ARHGAP18: variants seen among roughly 807,000 people sequenced by gnomAD.
The protein encoded by ARHGAP18 is rho GTPase-activating protein 18.
A neutral mutation model predicts 86.2 loss-of-function variants in ARHGAP18; 67 were observed. The observed-to-expected ratio is 0.78, with a 90% CI of 0.64 to 0.95. The LOEUF (loss-of-function observed/expected upper bound fraction) is 0.95, where lower values mean the gene tolerates loss of function less well. Among genes scored for constraint, ARHGAP18 ranks in the 40% least tolerant of loss-of-function variants. The probability of loss-of-function intolerance (pLI) is 0.00; values close to 1 mark genes in which losing one functional copy is unlikely to be tolerated. For missense variants in ARHGAP18, 691 were observed against 780.4 expected (o/e 0.89, Z 1.37); for synonymous variants, 283 against 280.4 (o/e 1.01, Z -0.09).
chr6:129,588,928 C>T (rs557114560), intron 12 of ARHGAP18, among the ~76,000 whole-genome samples: 13 of 152,298 alleles, frequency 8.5e-5, no homozygotes, highest in Non-Finnish European at 1.9e-4. Context: ...AGTAATGGCC[C>T]GAGCTGTACC....
At chr6:129,683,324 G>C (rs974668200) in intron 1 of ARHGAP18, among the ~76,000 whole-genome samples, 2 of 152,128 alleles carry the variant, frequency 1.3e-5, no homozygotes, top group African/African-American at 4.8e-5. Flanking sequence ...GCCCAATTCA[G>C]CCTCCCAAAG....
intron 10 of ARHGAP18, among the ~76,000 whole-genome samples, chr6:129,601,477 G>C (rs1480481583): frequency 6.7e-6 from 1 of 148,868 alleles, no homozygotes; most frequent in Admixed American, 6.7e-5. Flanking sequence ...AAAAGGAAAA[G>C]AGAAGAGAAG....
At chr6:129,706,989 G>C (rs1034132945) in intron 1 of ARHGAP18, among the ~76,000 whole-genome samples, 1 of 151,760 alleles carries the variant, frequency 6.6e-6, no homozygotes, top group Non-Finnish European at 1.5e-5. Context: ...CACTTTGGGG[G>C]GCCAAGGTGG....
At chr6:129,658,365 A>G (rs1307837700) in intron 1 of ARHGAP18, among the ~76,000 whole-genome samples, 2 of 152,188 alleles carry the variant, frequency 1.3e-5, no homozygotes, top group African/African-American at 2.4e-5. Flanking sequence ...ATGCACTGGA[A>G]AAGAATTTTA....
intron 14 of ARHGAP18, among the ~76,000 whole-genome samples, 169 bp downstream of exon 14, chr6:129,579,901 C>G (rs1450248137): frequency 6.6e-6 from 1 of 152,068 alleles, no homozygotes; most frequent in Non-Finnish European, 1.5e-5. Context: ...TCAAACAGAG[C>G]CTGAAGAGAA....
chr6:129,673,320 T>G (rs1774172491), intron 1 of ARHGAP18, among the ~76,000 whole-genome samples: 1 of 150,812 alleles, frequency 6.6e-6, no homozygotes, highest in Admixed American at 6.6e-5. Flanking sequence ...AAAAGCCATC[T>G]GCAGCTTGCT....
intron 13 of ARHGAP18, among the ~76,000 whole-genome samples, chr6:129,582,894 T>G (rs1788317130): frequency 6.6e-6 from 1 of 152,222 alleles, no homozygotes; most frequent in Non-Finnish European, 1.5e-5. Flanking sequence ...TACACTGGCT[T>G]ATTGAAGCCT....
chr6:129,700,993 C>T (rs1249072146), intron 1 of ARHGAP18, among the ~76,000 whole-genome samples: 1 of 141,850 alleles, frequency 7.0e-6, no homozygotes, highest in Non-Finnish European at 1.5e-5. Context: ...AGGAACACCC[C>T]TCCCTTAAAA....
intron 1 of ARHGAP18, among the ~76,000 whole-genome samples, chr6:129,647,412 A>G (rs1773603205): frequency 6.6e-6 from 1 of 152,132 alleles, no homozygotes; most frequent in African/African-American, 2.4e-5. Flanking sequence ...GATGCTTTCT[A>G]TCCAGTCTGT....
chr6:129,652,774 C>T (rs1445123010), intron 1 of ARHGAP18, among the ~76,000 whole-genome samples: 1 of 152,178 alleles, frequency 6.6e-6, no homozygotes, highest in East Asian at 1.9e-4. Flanking sequence ...GATATCCCTT[C>T]AGTTCATAAA....
intron 1 of ARHGAP18, among the ~76,000 whole-genome samples, chr6:129,649,904 C>CA (rs1773668495): frequency 8.6e-6 from 1 of 115,640 alleles, no homozygotes; most frequent in Non-Finnish European, 1.7e-5. Flanking sequence ...ACTTCGTCTT[C>CA]TTTTTTTTTG....
intron 1 of ARHGAP18, among the ~76,000 whole-genome samples, chr6:129,704,375 G>A (rs1299072195): frequency 6.6e-6 from 1 of 152,000 alleles, no homozygotes; most frequent in Admixed American, 6.5e-5. Flanking sequence ...AACCTGGGAG[G>A]TGGAGGCTGC....
intron 1 of ARHGAP18, among the ~76,000 whole-genome samples, chr6:129,674,468 C>A (rs72986986): frequency 1.3e-5 from 2 of 152,184 alleles, no homozygotes; most frequent in Admixed American, 6.5e-5. Flanking sequence ...CAGCTCTCCA[C>A]GTCCATGAGT....
intron 1 of ARHGAP18, among the ~76,000 whole-genome samples, chr6:129,643,321 C>A (rs933630207): frequency 3.9e-5 from 6 of 152,018 alleles, no homozygotes; most frequent in African/African-American, 1.4e-4. Context: ...ATCATGGGGG[C>A]AGTTACTTTC....
chr6:129,625,879 T>TA (rs1789440638), intron 5 of ARHGAP18, among the ~76,000 whole-genome samples: 3 of 70,350 alleles, frequency 4.3e-5, no homozygotes, highest in African/African-American at 6.6e-5. Context: ...ATATTATATA[T>TA]TTATATATTA....
intron 1 of ARHGAP18, among the ~76,000 whole-genome samples, chr6:129,660,987 AGAG>A (rs1352814848): frequency 6.6e-5 from 10 of 151,406 alleles, no homozygotes; most frequent in Non-Finnish European, 1.3e-4. Flanking sequence ...AAGAAAAGGA[AGAG>A]GAGGAGGAGA....
At chr6:129,628,666 T>C (rs1326956890) in intron 5 of ARHGAP18, among the ~76,000 whole-genome samples, 1 of 152,160 alleles carries the variant, frequency 6.6e-6, no homozygotes, top group Non-Finnish European at 1.5e-5. Flanking sequence ...GCTAAAAATG[T>C]ATAACTTGAA....
At chr6:129,612,079 T>C (rs1164040864) in intron 7 of ARHGAP18, among the ~76,000 whole-genome samples, 23 of 152,216 alleles carry the variant, frequency 1.5e-4, no homozygotes. Flanking sequence ...TTTAAGTCTT[T>C]GGTGTTAAAC....
intron 10 of ARHGAP18, among the ~76,000 whole-genome samples, chr6:129,603,283 G>A (rs1788785415): frequency 6.6e-6 from 1 of 152,078 alleles, no homozygotes; most frequent in African/African-American, 2.4e-5. Flanking sequence ...TTAGAATAAT[G>A]GCTTCCGGTT....
Sources: gnomAD v4.1 joint callset for allele counts (sites outside exome capture counted in the v4.1 genomes callset) on GRCh38, gnomAD v4.1.1 for gene constraint, MANE v1.5 for transcripts, NCBI Gene and HGNC (gene_info 2026-07-23, HGNC 2026-07-21) for gene names.